The following AFG1L variants were observed in gnomAD, a reference collection of about 807,000 sequenced individuals.
AFG1L encodes the protein AFG1-like ATPase.
A neutral mutation model predicts 62.2 loss-of-function variants in AFG1L; 53 were observed. The observed-to-expected ratio is 0.85, with a 90% confidence interval of 0.68 to 1.07. The LOEUF is 1.07. Ranked by LOEUF, AFG1L falls within the 50% of genes least tolerant of loss-of-function variation. The probability of loss-of-function intolerance (pLI) is 0.00; values close to 1 mark genes in which losing one functional copy is unlikely to be tolerated. For missense variants in AFG1L, 555 were observed against 590.5 expected (o/e 0.94, Z 0.62); for synonymous variants, 228 against 210.3 (o/e 1.08, Z -0.73).
At chr6:108,328,216 TTA>T (rs569302058) in intron 2 of AFG1L, among the ~76,000 whole-genome samples, 65 of 152,288 alleles carry the variant, frequency 4.3e-4, no homozygotes, top group South Asian at 3.5e-3. Context: ...AACTATGTAA[TTA>T]TATAGTTTGT....
At chr6:108,340,135 A>G (rs1431737241) in intron 2 of AFG1L, among the ~76,000 whole-genome samples, 1 of 151,946 alleles carries the variant, frequency 6.6e-6, no homozygotes, top group Non-Finnish European at 1.5e-5. Context: ...TCCTACAAAT[A>G]AGTGAGAATA....
At chr6:108,359,937 G>A (rs1218942656) in intron 5 of AFG1L, 1 of 152,182 alleles carries the variant, frequency 6.6e-6, no homozygotes, top group African/African-American at 2.4e-5. Context: ...GCTCCCATCT[G>A]CTATGTGAAG....
chr6:108,481,853 A>G (rs1406987811), intron 10 of AFG1L, among the ~76,000 whole-genome samples: 49 of 152,238 alleles, frequency 3.2e-4, no homozygotes, highest in Admixed American at 3.0e-3. Context: ...TACTTGGAAG[A>G]CTGCTTGACA....
intron 1 of AFG1L, among the ~76,000 whole-genome samples, chr6:108,305,459 C>G (rs770033543): frequency 6.6e-6 from 1 of 152,208 alleles, no homozygotes; most frequent in Non-Finnish European, 1.5e-5. Context: ...GATCACGGCT[C>G]ACTGCAGCCT....
chr6:108,368,598 C>T (rs1473326143), intron 6 of AFG1L, among the ~76,000 whole-genome samples: 4 of 152,092 alleles, frequency 2.6e-5, no homozygotes, highest in Non-Finnish European at 5.9e-5. Flanking sequence ...AATATTAGAT[C>T]TTCTATCTAG....
chr6:108,452,397 C>T (rs565692755), intron 8 of AFG1L, among the ~76,000 whole-genome samples: 3 of 152,222 alleles, frequency 2.0e-5, no homozygotes, highest in South Asian at 4.1e-4. Flanking sequence ...CTCACACTTG[C>T]TGTCTCTTTT....
chr6:108,402,467 T>TAAAAAAAAA (rs55775052), intron 7 of AFG1L, among the ~76,000 whole-genome samples: 1 of 91,182 alleles, frequency 1.1e-5, no homozygotes, highest in East Asian at 3.2e-4. Flanking sequence ...CCGTCTCGAA[T>TAAAAAAAAA]AAAAAAAAAA....
intron 2 of AFG1L, among the ~76,000 whole-genome samples, chr6:108,340,077 A>G (rs1347066976): frequency 2.7e-5 from 4 of 147,198 alleles, no homozygotes; most frequent in African/African-American, 1.0e-4. Context: ...TCTGGTAACC[A>G]TCCTTCTACT....
At chr6:108,472,681 CTTT>C (rs562169670) in intron 8 of AFG1L, among the ~76,000 whole-genome samples, 2 of 137,988 alleles carry the variant, frequency 1.4e-5, no homozygotes, top group African/African-American at 2.6e-5. Context: ...ACCGAGCTAT[CTTT>C]TTTTTTTTTT....
At chr6:108,514,603 A>C (rs1237430263) in intron 11 of AFG1L, among the ~76,000 whole-genome samples, 4 of 152,252 alleles carry the variant, frequency 2.6e-5, no homozygotes, top group Admixed American at 1.3e-4. Flanking sequence ...CGAGCAAAAT[A>C]ACCAGCTAAC....
chr6:108,499,691 C>T (rs1184162905), intron 10 of AFG1L, among the ~76,000 whole-genome samples: 6 of 151,770 alleles, frequency 4.0e-5, no homozygotes, highest in Non-Finnish European at 7.4e-5. Flanking sequence ...GTCAAGGCTG[C>T]AGTGAGCTGA....
chr6:108,369,278 A>G (rs566395281), intron 6 of AFG1L, among the ~76,000 whole-genome samples: 7 of 152,286 alleles, frequency 4.6e-5, no homozygotes, highest in Non-Finnish European at 8.8e-5. Flanking sequence ...CTGCATCCAG[A>G]TTGTAGTGGT....
intron 6 of AFG1L, among the ~76,000 whole-genome samples, chr6:108,383,807 A>G (rs922698277): frequency 2.0e-5 from 3 of 152,148 alleles, no homozygotes; most frequent in African/African-American, 7.2e-5. Context: ...TTTCTACAAA[A>G]GTAGAAAAGA....
At chr6:108,389,433 G>A (rs1346361614) in intron 6 of AFG1L, among the ~76,000 whole-genome samples, 1 of 152,120 alleles carries the variant, frequency 6.6e-6, no homozygotes, top group Non-Finnish European at 1.5e-5. Flanking sequence ...ATGTTAACTG[G>A]TTATTTTGCT....
Position 108,322,054 on chromosome 6 carries a change from T to C in AFG1L, c.140-1771T>C, listed in dbSNP as rs761504220. Among the ~76,000 whole-genome samples, 53 of 152,244 alleles carry C rather than the reference T, an allele frequency of 3.5e-4. No individual in the cohort carries two copies. The Middle Eastern group carries it at 0.014, about 39-fold the overall frequency. ...ACATGCTAATTTTAAGCCTGGCTAATTAAAAACAAATTTTTTTTAAATTTG... is the reference window on the plus strand; with the variant it reads ...ACATGCTAATTTTAAGCCTGGCTAACTAAAAACAAATTTTTTTTAAATTTG... On this transcript the variant is annotated intron_variant, in intron 1 of 12. Coordinates refer to ENST00000368977, the MANE Select transcript of AFG1L (RefSeq NM_145315.5).
At chr6:108,504,681 T>C (rs2114884428) in intron 10 of AFG1L, among the ~76,000 whole-genome samples, 3 of 152,318 alleles carry the variant, frequency 2.0e-5, no homozygotes, top group Admixed American at 2.0e-4. Context: ...AATCTTCAAT[T>C]TGTAAACAAA....
intron 7 of AFG1L, among the ~76,000 whole-genome samples, chr6:108,406,525 C>T (rs1183129890): frequency 1.3e-5 from 2 of 152,098 alleles, no homozygotes; most frequent in East Asian, 3.8e-4. Flanking sequence ...GCAACATCTG[C>T]CTCCTGGGTT....
intron 6 of AFG1L, among the ~76,000 whole-genome samples, chr6:108,393,996 TTTC>T (rs1278001739): frequency 6.6e-6 from 1 of 151,980 alleles, no homozygotes; most frequent in African/African-American, 2.4e-5. Flanking sequence ...CTTTTCTCTT[TTTC>T]TTCTTCTTTC....
At chr6:108,457,664 C>T (rs1250809339) in intron 8 of AFG1L, among the ~76,000 whole-genome samples, 2 of 151,938 alleles carry the variant, frequency 1.3e-5, no homozygotes, top group Non-Finnish European at 2.9e-5. Flanking sequence ...TTTTAATTTA[C>T]CTACATATTT....
Sources: gnomAD v4.1 joint callset for allele counts (sites outside exome capture counted in the v4.1 genomes callset) on GRCh38, gnomAD v4.1.1 for gene constraint, MANE v1.5 for transcripts, NCBI Gene and HGNC (gene_info 2026-07-23, HGNC 2026-07-21) for gene names.